HSD17B12: variants seen among roughly 807,000 people sequenced by gnomAD.
HSD17B12 encodes very-long-chain 3-oxoacyl-CoA reductase.
A neutral mutation model predicts 39.3 loss-of-function variants in HSD17B12; 32 were observed. The ratio of observed to expected loss-of-function variants is 0.81; its 90% CI spans 0.61 to 1.09. The LOEUF (loss-of-function observed/expected upper bound fraction) is 1.09. Ranked by LOEUF, HSD17B12 falls within the 50% of genes least tolerant of loss-of-function variation. HSD17B12 has a pLI of 0.00. For synonymous variants in HSD17B12, 150 were observed against 146.7 expected (o/e 1.02, Z -0.16); for missense variants, 342 against 382.9 (o/e 0.89, Z 0.89).
the HSD17B12 span, among the ~76,000 whole-genome samples, chr11:43,587,058 G>A: frequency 1.3e-5 from 2 of 152,308 alleles, no homozygotes; most frequent in South Asian, 4.1e-4. Flanking sequence ...AATTAAAAGA[G>A]CAAATTCTAT....
At chr11:43,646,843 T>G in the HSD17B12 span, among the ~76,000 whole-genome samples, 1 of 152,138 alleles carries the variant, frequency 6.6e-6, no homozygotes, top group Non-Finnish European at 1.5e-5. Context: ...ATGTTTTGTG[T>G]AATATACAAA....
intron 3 of HSD17B12, among the ~76,000 whole-genome samples, chr11:43,787,357 G>A (rs545679446): frequency 9.9e-5 from 15 of 152,278 alleles, no homozygotes; most frequent in African/African-American, 3.4e-4. Flanking sequence ...AATGAAGAGA[G>A]GCTGTTTTCT....
the HSD17B12 span, among the ~76,000 whole-genome samples, chr11:43,631,623 G>C: frequency 1.5e-4 from 9 of 59,120 alleles, no homozygotes; most frequent in Admixed American, 1.5e-3. Flanking sequence ...CTCTCTCTCT[G>C]TCTGTCTGTC....
At chr11:43,612,230 C>G in the HSD17B12 span, among the ~76,000 whole-genome samples, 1 of 152,108 alleles carries the variant, frequency 6.6e-6, no homozygotes, top group Non-Finnish European at 1.5e-5. Flanking sequence ...TTTTATAAAA[C>G]TAATAGTTAT....
chr11:43,785,043 A>G (rs1950803029), intron 3 of HSD17B12, among the ~76,000 whole-genome samples: 2 of 152,182 alleles, frequency 1.3e-5, no homozygotes, highest in Admixed American at 1.3e-4. Context: ...TAAACATAAC[A>G]TGAGGAAATG....
intron 6 of HSD17B12, among the ~76,000 whole-genome samples, chr11:43,820,718 A>C (rs1377974681): frequency 6.6e-6 from 1 of 152,236 alleles, no homozygotes; most frequent in East Asian, 1.9e-4. Flanking sequence ...TCACTAAACT[A>C]CATGACAGGG....
chr11:43,632,900 T>C, the HSD17B12 span, among the ~76,000 whole-genome samples: 1 of 152,196 alleles, frequency 6.6e-6, no homozygotes, highest in African/African-American at 2.4e-5. Flanking sequence ...TCAGTAAATA[T>C]TTTCTACTTC....
chr11:43,672,073 G>A, the HSD17B12 span, among the ~76,000 whole-genome samples: 3 of 151,954 alleles, frequency 2.0e-5, no homozygotes, highest in Non-Finnish European at 4.4e-5. Context: ...TTTAGAGACC[G>A]AGTCTCGCTC....
chr11:43,668,574 T>C, the HSD17B12 span, among the ~76,000 whole-genome samples: 4 of 152,180 alleles, frequency 2.6e-5, no homozygotes, highest in African/African-American at 7.2e-5. Flanking sequence ...AAATATGTAA[T>C]TAATTTAAAA....
Position 43,855,203 on chromosome 11 carries a change from C to G in HSD17B12, c.894C>G (p.Asn298Lys). The G allele has an allele frequency of 6.2e-7, 1 of 1,611,268 alleles. No individual in the cohort carries two copies. Among genetic ancestry groups the G allele is most frequent in the Non-Finnish European group, 8.5e-7 (1 of 1,178,964 alleles). Residue 298 changes from asparagine to lysine, a missense_variant, in exon 11 of 11, where the codon AAC becomes AAG. Coordinates refer to ENST00000278353, the MANE Select transcript of HSD17B12 (RefSeq NM_016142.3). ...ATTTGAAAATAGTCATGAATATGAA[C>G]AAGTCTACACGGGCTCACTATCTGA... ...WIYLKIVMNM[N>K]KSTRAHYLKK...
At chr11:43,637,652 G>T in the HSD17B12 span, among the ~76,000 whole-genome samples, 1 of 152,094 alleles carries the variant, frequency 6.6e-6, no homozygotes, top group African/African-American at 2.4e-5. Context: ...ATACAGAATG[G>T]TTTTTTAGAG....
At chr11:43,839,823 A>G (rs1285742760) in intron 8 of HSD17B12, among the ~76,000 whole-genome samples, 176 bp from the exon 9 acceptor site, 1 of 152,168 alleles carries the variant, frequency 6.6e-6, no homozygotes, top group African/African-American at 2.4e-5. Context: ...AGTGGCAGAT[A>G]AAAACAGCTT....
the HSD17B12 span, among the ~76,000 whole-genome samples, chr11:43,611,719 A>G: frequency 1.3e-5 from 2 of 152,168 alleles, no homozygotes; most frequent in Non-Finnish European, 2.9e-5. Flanking sequence ...CCTCTAAAGG[A>G]TCTGATGTGG....
At chr11:43,652,913 C>T in the HSD17B12 span, among the ~76,000 whole-genome samples, 3 of 152,052 alleles carry the variant, frequency 2.0e-5, no homozygotes, top group African/African-American at 7.2e-5. Flanking sequence ...TCATACTATT[C>T]ATTACTATTA....
the HSD17B12 span, among the ~76,000 whole-genome samples, chr11:43,589,516 T>A: frequency 6.6e-6 from 1 of 152,264 alleles, no homozygotes; most frequent in African/African-American, 2.4e-5. Context: ...TTATTTATTT[T>A]ATTCAGTTTT....
At chr11:43,734,416 G>T (rs1349661430) in intron 1 of HSD17B12, 2 of 773,780 alleles carry the variant, frequency 2.6e-6, no homozygotes, top group Admixed American at 3.5e-5. Flanking sequence ...AGGCAGCCGA[G>T]CTGATCACCA....
the HSD17B12 span, among the ~76,000 whole-genome samples, chr11:43,576,398 G>A: frequency 6.6e-6 from 1 of 152,084 alleles, no homozygotes; most frequent in African/African-American, 2.4e-5. Flanking sequence ...ATAGCATCAG[G>A]GTTTGATCGT....
chr11:43,846,325 AT>A (rs1391078485), intron 9 of HSD17B12, among the ~76,000 whole-genome samples: 1 of 152,238 alleles, frequency 6.6e-6, no homozygotes, highest in African/African-American at 2.4e-5. Flanking sequence ...CTCATTTTAC[AT>A]AGATATTAAC....
rs115048615 is a variant in HSD17B12 at position 43,851,356 on chromosome 11, T to C, written c.685-3359T>C. 4.0e-3 allele frequency among the ~76,000 whole-genome samples: 612 copies of C among 152,340 alleles called. 5 individuals carry two copies. Among genetic ancestry groups the C allele is most frequent in the African/African-American group, 0.014 (570 of 41,584 alleles). ...TATCTTCTTGACCTGTTTCCCATAA[T>C]GTTTTCCTGAGTAAGCAGGAGAAAT... On this transcript the variant is annotated intron_variant, in intron 9 of 10. Coordinates refer to ENST00000278353, the MANE Select transcript of HSD17B12 (RefSeq NM_016142.3).
Sources: gnomAD v4.1 joint callset for allele counts (sites outside exome capture counted in the v4.1 genomes callset) on GRCh38, gnomAD v4.1.1 for gene constraint, MANE v1.5 for transcripts, NCBI Gene and HGNC (gene_info 2026-07-23, HGNC 2026-07-21) for gene names.